The following HIF1A variants were observed in gnomAD, a reference collection of about 807,000 sequenced individuals.
The protein encoded by HIF1A is hypoxia inducible factor 1 subunit alpha, also known as hypoxia-inducible factor 1-alpha.
Under a neutral mutation model 92.7 loss-of-function variants are expected in HIF1A, and 24 were observed. The ratio of observed to expected loss-of-function variants is 0.26; its 90% CI spans 0.19 to 0.36. HIF1A has a LOEUF of 0.36. Ranked by LOEUF, HIF1A falls within the 10% of genes least tolerant of loss-of-function variation. The pLI is 1.00. For missense variants in HIF1A, 799 were observed against 998.5 expected (o/e 0.80, Z 2.69); for synonymous variants, 319 against 338.7 (o/e 0.94, Z 0.64).
intron 6 of HIF1A, among the ~76,000 whole-genome samples, chr14:61,730,279 T>C (rs1406837648): frequency 2.0e-5 from 3 of 152,198 alleles, no homozygotes; most frequent in Non-Finnish European, 4.4e-5. Flanking sequence ...CTCACTTTTC[T>C]TGCTCTAATA....
At chr14:61,724,020 T>C (rs1311674335) in intron 4 of HIF1A, among the ~76,000 whole-genome samples, 1 of 152,128 alleles carries the variant, frequency 6.6e-6, no homozygotes, top group Non-Finnish European at 1.5e-5. Flanking sequence ...TCCAAATAAA[T>C]TCTAGAAAAA....
chr14:61,700,172 T>G (rs993754020), intron 1 of HIF1A, among the ~76,000 whole-genome samples: 1 of 152,140 alleles, frequency 6.6e-6, no homozygotes, highest in Admixed American at 6.5e-5. Flanking sequence ...TCAAAAACAT[T>G]AACCTAAAAT....
chr14:61,704,031 C>T (rs1469918993), intron 1 of HIF1A, among the ~76,000 whole-genome samples: 1 of 152,090 alleles, frequency 6.6e-6, no homozygotes, highest in Non-Finnish European at 1.5e-5. Context: ...TCGTTTAGCT[C>T]TACTGTGTGA....
At chr14:61,700,557 A>G (rs890905745) in intron 1 of HIF1A, among the ~76,000 whole-genome samples, 1 of 152,184 alleles carries the variant, frequency 6.6e-6, no homozygotes, top group Non-Finnish European at 1.5e-5. Flanking sequence ...AGCAACGGAC[A>G]CTTGGGTTGC....
At chr14:61,696,334 C>G (rs183206454) in intron 1 of HIF1A, among the ~76,000 whole-genome samples, 61 of 152,366 alleles carry the variant, frequency 4.0e-4, no homozygotes, top group African/African-American at 1.4e-3. Context: ...TCCTGGCTTT[C>G]CAGTGGACTT....
At chr14:61,703,930 G>A (rs2044206489) in intron 1 of HIF1A, among the ~76,000 whole-genome samples, 1 of 152,118 alleles carries the variant, frequency 6.6e-6, no homozygotes, top group South Asian at 2.1e-4. Context: ...GGGAAGTTGA[G>A]TATTTCTTCT....
At chr14:61,702,872 C>T (rs2044193358) in intron 1 of HIF1A, among the ~76,000 whole-genome samples, 1 of 152,174 alleles carries the variant, frequency 6.6e-6, no homozygotes, top group South Asian at 2.1e-4. Flanking sequence ...GGATTAGGGA[C>T]TGAGTACTGT....
chr14:61,731,899 G>T (rs1029300673), intron 6 of HIF1A, among the ~76,000 whole-genome samples: 3 of 152,200 alleles, frequency 2.0e-5, no homozygotes, highest in Non-Finnish European at 4.4e-5. Context: ...TACTTTGGGA[G>T]GCCAAGGCGG....
At chr14:61,721,430 T>C in intron 2 of HIF1A, 79 bp from the exon 3 acceptor site, 1 of 1,265,626 alleles carries the variant, frequency 7.9e-7, no homozygotes, top group Non-Finnish European at 1.1e-6. Context: ...CGAGAAAACT[T>C]TGTAAAAACA....
At chr14:61,736,456 T>C (rs1373913295) in intron 8 of HIF1A, among the ~76,000 whole-genome samples, 1 of 152,134 alleles carries the variant, frequency 6.6e-6, no homozygotes, top group Non-Finnish European at 1.5e-5. Flanking sequence ...GTGAGCATAA[T>C]ACCCAACAGT....
chr14:61,735,365 A>G (rs191964147), intron 8 of HIF1A, among the ~76,000 whole-genome samples: 42 of 152,288 alleles, frequency 2.8e-4, no homozygotes, highest in Non-Finnish European at 2.5e-4. Context: ...TTTTAATATT[A>G]GTGCCACAGA....
intron 10 of HIF1A, 61 bp from the exon 11 acceptor site, chr14:61,740,444 G>T: frequency 7.8e-7 from 1 of 1,277,236 alleles, no homozygotes; most frequent in South Asian, 1.6e-5. Flanking sequence ...TGAAAATTCT[G>T]ACAACTAGCA....
chr14:61,739,675 G>A (rs1412901991), intron 10 of HIF1A, among the ~76,000 whole-genome samples: 1 of 152,150 alleles, frequency 6.6e-6, no homozygotes, highest in Non-Finnish European at 1.5e-5. Context: ...TTCTTGTTTA[G>A]AATACACAGC....
intron 12 of HIF1A, among the ~76,000 whole-genome samples, chr14:61,744,437 A>AG (rs1282941062): frequency 1.3e-5 from 2 of 150,174 alleles, no homozygotes; most frequent in Admixed American, 1.3e-4. Context: ...TTGATTCCAG[A>AG]GGCAGGGCTT....
At chr14:61,703,025 A>T (rs575223934) in intron 1 of HIF1A, among the ~76,000 whole-genome samples, 1 of 152,300 alleles carries the variant, frequency 6.6e-6, no homozygotes, top group South Asian at 2.1e-4. Context: ...TATGGCTCTT[A>T]ATACTCTCCA....
chr14:61,736,358 G>T (rs1440814924), intron 8 of HIF1A, among the ~76,000 whole-genome samples: 1 of 151,788 alleles, frequency 6.6e-6, no homozygotes, highest in African/African-American at 2.4e-5. Context: ...TTTTATTTTT[G>T]ATTCAGGGGA....
chr14:61,695,937 G>T lies in HIF1A; in HGVS notation c.35+98G>T, dbSNP rs185842207. On this transcript the variant is annotated intron_variant, in intron 1 of 14. Coordinates refer to ENST00000337138, the MANE Select transcript of HIF1A (RefSeq NM_001530.4). ...GCCGGCCTCGGCGTTAATGGGATTG[G>T]GGGGGGCAGCCTTTTTGTTTCTGCT... is the stretch of plus-strand genomic sequence containing the variant. The T allele has an allele frequency of 3.0e-4, 345 of 1,134,378 alleles. 1 individual carries two copies. The East Asian group carries it at 6.4e-3, about 21-fold the overall frequency. The allele number at this position is 1,134,378 out of a possible 1,614,324, so 70.3% of individuals were successfully genotyped here.
At chr14:61,697,292 G>A (rs892903023) in intron 1 of HIF1A, among the ~76,000 whole-genome samples, 58 of 152,134 alleles carry the variant, frequency 3.8e-4, no homozygotes, top group African/African-American at 1.0e-3. Flanking sequence ...AGAGTTACCA[G>A]GAATTAATTG....
intron 1 of HIF1A, among the ~76,000 whole-genome samples, chr14:61,716,295 A>T (rs565792804): frequency 4.9e-4 from 75 of 152,304 alleles, no homozygotes; most frequent in South Asian, 1.0e-3. Flanking sequence ...TTTCAGTAGC[A>T]CATTTTTTAT....
Sources: allele counts gnomAD v4.1 joint callset (sites outside exome capture counted in the v4.1 genomes callset), GRCh38; gene constraint gnomAD v4.1.1; transcripts MANE v1.5; gene names NCBI Gene and HGNC (gene_info 2026-07-23, HGNC 2026-07-21).